The following ACTB variants were observed in gnomAD, a reference collection of about 807,000 sequenced individuals.
ACTB encodes the protein actin, cytoplasmic 1.
Under a neutral mutation model 30.5 loss-of-function variants are expected in ACTB, and 2 were observed. The ratio of observed to expected loss-of-function variants is 0.07; its 90% CI spans 0.03 to 0.21. The LOEUF is 0.21. ACTB is among the 10% of genes least tolerant of loss of function. ACTB has a pLI of 1.00. For synonymous variants in ACTB, 335 were observed against 217.6 expected (o/e 1.54, Z -4.75); for missense variants, 56 against 530.0 (o/e 0.11, Z 8.78).
At chr7:5,529,109 G>A (rs1200283702) in intron 3 of ACTB, 52 bp downstream of exon 3, 4 of 1,613,460 alleles carry the variant, frequency 2.5e-6, no homozygotes, top group Non-Finnish European at 3.4e-6. Flanking sequence ...CGCAGCTCCG[G>A]GAGGCCAGGA....
chr7:5,530,567 C>G lies in ACTB; in HGVS notation c.-50G>C, dbSNP rs1039646624. 3.0e-4 allele frequency: 46 copies of G among 152,468 alleles called. No individual in the cohort carries two copies. Among genetic ancestry groups the G allele is most frequent in the African/African-American group, 9.4e-4 (39 of 41,454 alleles). 9.4% of individuals were successfully genotyped at this position (152,468 alleles called of 1,614,324 possible). ...GGGCGGCGGATCGGCAAAGGCGAGGCTCTGTGCTCGCGGGGCGGACGCGGT... is the reference window on the plus strand; with the variant it reads ...GGGCGGCGGATCGGCAAAGGCGAGGGTCTGTGCTCGCGGGGCGGACGCGGT... On this transcript the variant is annotated 5_prime_UTR_variant, in exon 1 of 6. Coordinates refer to ENST00000646664, the MANE Select transcript of ACTB (RefSeq NM_001101.5).
At chr7:5,528,960 A>G in intron 3 of ACTB, 13 of 1,548,766 alleles carry the variant, frequency 8.4e-6, no homozygotes, top group Non-Finnish European at 1.1e-5. Flanking sequence ...TGTCTTAGAC[A>G]CCTAGTCAGA....
At chr7:5,528,252 G>A (rs764970402) in intron 4 of ACTB, 29 bp downstream of exon 4, 2 of 1,613,794 alleles carry the variant, frequency 1.2e-6, no homozygotes, top group Middle Eastern at 1.6e-4. Context: ...CCTCATGTCA[G>A]GCAGAGCCGG....
intron 3 of ACTB, 118 bp downstream of exon 3, chr7:5,529,043 G>A (rs773374111): frequency 2.5e-6 from 4 of 1,612,852 alleles, no homozygotes; most frequent in Middle Eastern, 1.7e-4. Flanking sequence ...AGGAGACTCA[G>A]GTCAGAGAAG....
At position 5,530,548 on chromosome 7, in the gene ACTB, C is replaced by T; in HGVS notation, c.-31G>A. On this transcript the variant is annotated 5_prime_UTR_variant, in exon 1 of 6. Transcript: ENST00000646664. Reference sequence around the variant, plus strand: ...CCTGGCGGCGGGTGTGGACGGGCGGCGGATCGGCAAAGGCGAGGCTCTGTG... The same window carrying T: ...CCTGGCGGCGGGTGTGGACGGGCGGTGGATCGGCAAAGGCGAGGCTCTGTG... 1 of 152,422 alleles carries T rather than the reference C, an allele frequency of 6.6e-6. No individual in the cohort carries two copies. The highest frequency in any genetic ancestry group is 1.5e-5 in the Non-Finnish European group (1 of 68,356). 9.4% of individuals were successfully genotyped at this position (152,422 alleles called of 1,614,324 possible). A position where few individuals can be genotyped will look rare whatever the true frequency, so the allele number is the denominator to read the frequency against.
At position 5,529,784 on chromosome 7, in the gene ACTB, G is replaced by A; in HGVS notation, c.-6-121C>T. The stretch of plus-strand genomic sequence containing the variant: ...CGCGCCCAGATTGGGGACAAAGGAA[G>A]CCGGGCCGGCCGCGTTATTACCATA... On this transcript the variant is annotated intron_variant, in intron 1 of 5. Transcript: ENST00000646664. 4 of 1,480,236 alleles carry A rather than the reference G, an allele frequency of 2.7e-6. No homozygotes were observed. The South Asian group carries it at 3.5e-5, about 13-fold the overall frequency. 91.7% of individuals were successfully genotyped at this position (1,480,236 alleles called of 1,614,324 possible).
chr7:5,527,613 T>TG lies in ACTB; in HGVS notation c.*134dup. On this transcript the variant is annotated 3_prime_UTR_variant, in exon 6 of 6. Transcript: ENST00000646664. ...CTTCACCGTTCCAGTTTTTAAATCC[T>TG]GAGTCAAGCCAAAAAAAAAAAAAAA... The TG allele has an allele frequency of 7.1e-7, 1 of 1,401,306 alleles. No homozygotes were observed. Among genetic ancestry groups the TG allele is most frequent in the Non-Finnish European group, 9.7e-7 (1 of 1,029,426 alleles). The allele number at this position is 1,401,306 out of a possible 1,614,324, so 86.8% of individuals were successfully genotyped here.
intron 3 of ACTB, 179 bp downstream of exon 3, chr7:5,528,982 C>T (rs1295021604): frequency 5.7e-6 from 9 of 1,581,696 alleles, no homozygotes; most frequent in Non-Finnish European, 6.9e-6. Context: ...AGACAAACAC[C>T]AGAAAAAGAG....
Position 5,527,889 on chromosome 7 carries a change from G to A in ACTB, c.987C>T (p.Ile329=), listed in dbSNP as rs1784799268. 4.3e-6 allele frequency: 7 copies of A among 1,614,020 alleles called. No homozygotes were observed. Among genetic ancestry groups the A allele is most frequent in the Middle Eastern group, 1.7e-4 (1 of 6,058 alleles). ...ALAPSTMKIK[I]IAPPERKYSV... ...AGTACTTGCGCTCAGGAGGAGCAATGATCTGAGGAGGGAAGGGGACAGGCA... is the reference window on the plus strand; with the variant it reads ...AGTACTTGCGCTCAGGAGGAGCAATAATCTGAGGAGGGAAGGGGACAGGCA... Residue 329 remains isoleucine, a splice_region_variant and synonymous_variant, in exon 6 of 6, where the codon ATC becomes ATT. Coordinates refer to ENST00000646664, the MANE Select transcript of ACTB (RefSeq NM_001101.5).
chr7:5,529,464 C>G (rs1330208951), intron 2 of ACTB, 64 bp from the exon 3 acceptor site: 2 of 1,613,274 alleles, frequency 1.2e-6, no homozygotes, highest in South Asian at 2.2e-5. Context: ...AACCGGGAGG[C>G]TCCTGTGCAG....
In ACTB at chr7:5,529,924, G is replaced by GGC. The variant is rs1028601270; in HGVS notation, c.-6-263_-6-262dup. 156 of 408,398 alleles carry GGC rather than the reference G, an allele frequency of 3.8e-4. 2 individuals are homozygous for GGC. Among genetic ancestry groups the GGC allele is most frequent in the Admixed American group, 2.2e-3 (44 of 20,336 alleles). 25.3% of individuals were successfully genotyped at this position (408,398 alleles called of 1,614,324 possible). A position where few individuals can be genotyped will look rare whatever the true frequency, so the allele number is the denominator to read the frequency against. On this transcript the variant is annotated intron_variant, in intron 1 of 5. Transcript: ENST00000646664. ...CGCCCGGTTCAAACAGCGCCGGGTC[G>GGC]GCGCGCGCGCACGCAGCGGCCACAC...
intron 3 of ACTB, 74 bp from the exon 4 acceptor site, chr7:5,528,793 G>A: frequency 1.9e-6 from 3 of 1,554,880 alleles, no homozygotes; most frequent in South Asian, 1.1e-5. Context: ...GGGACATGCA[G>A]AAAGTGCAAA....
At chr7:5,529,075 GA>G in intron 3 of ACTB, 85 bp downstream of exon 3, 1 of 1,613,350 alleles carries the variant, frequency 6.2e-7, no homozygotes, top group Non-Finnish European at 8.5e-7. Flanking sequence ...GAAAACGGCA[GA>G]AGAGAGAACC....
At chr7:5,528,870 A>C in intron 3 of ACTB, 151 bp from the exon 4 acceptor site, 1 of 1,384,274 alleles carries the variant, frequency 7.2e-7, no homozygotes, top group Admixed American at 1.9e-5. Context: ...GCACCTACTT[A>C]ATACACACTC....
chr7:5,529,721 G>C, intron 1 of ACTB, 58 bp from the exon 2 acceptor site: 1 of 1,608,182 alleles, frequency 6.2e-7, no homozygotes, highest in Admixed American at 1.7e-5. Context: ...GGCCACTTCC[G>C]GCGCGCCGAG....
In ACTB at chr7:5,527,859, C is replaced by T; in HGVS notation, c.1017G>A (p.Val339=). The T allele has an allele frequency of 6.2e-7, 1 of 1,614,078 alleles. No homozygotes were observed. The highest frequency in any genetic ancestry group is 8.5e-7 in the Non-Finnish European group (1 of 1,179,976). The change falls in exon 6 of 6, where the codon GTG becomes GTA. Residue 339 remains valine (V), a synonymous_variant. Transcript: ENST00000646664. ...AGGCCAGGATGGAGCCGCCGATCCA[C>T]ACGGAGTACTTGCGCTCAGGAGGAG... ...IIAPPERKYS[V]WIGGSILASL...
intron 1 of ACTB, chr7:5,529,868 C>A (rs948276220): frequency 1.8e-5 from 15 of 856,454 alleles, no homozygotes; most frequent in Non-Finnish European, 2.6e-5. Context: ...CAGGCCCCAA[C>A]CCCCTCCCAA....
At position 5,529,104 on chromosome 7, in the gene ACTB, C is replaced by T. The variant is rs767179841; in HGVS notation, c.363+57G>A. On this transcript the variant is annotated intron_variant, in intron 3 of 5. Transcript: ENST00000646664. Reference sequence around the variant, plus strand: ...AGAGAACCAGTGAGAAAGGGCGCAGCTCCGGGAGGCCAGGAAGGAGGGAGG... The same window carrying T: ...AGAGAACCAGTGAGAAAGGGCGCAGTTCCGGGAGGCCAGGAAGGAGGGAGG... 22 of 1,613,564 alleles carry T rather than the reference C, an allele frequency of 1.4e-5. No homozygotes were observed. In the South Asian group the frequency reaches 1.6e-4, roughly 12 times the overall value.
chr7:5,529,483 C>A lies in ACTB; in HGVS notation c.123+52G>T. On this transcript the variant is annotated intron_variant, in intron 2 of 5. Transcript: ENST00000646664. Reference sequence around the variant, plus strand: ...GGGAGGCTCCTGTGCAGAGAAAGCGCCCTTGCCTCCCGCCCGCTCCCGGGG... The same window carrying A: ...GGGAGGCTCCTGTGCAGAGAAAGCGACCTTGCCTCCCGCCCGCTCCCGGGG... 4 of 1,612,624 alleles carry A rather than the reference C, an allele frequency of 2.5e-6. No individual in the cohort carries two copies. In the East Asian group the frequency reaches 6.7e-5, roughly 27 times the overall value.
Sources: gnomAD v4.1 joint callset for allele counts on GRCh38, gnomAD v4.1.1 for gene constraint, MANE v1.5 for transcripts, NCBI Gene and HGNC (gene_info 2026-07-23, HGNC 2026-07-21) for gene names.